CCSER1: variants seen among roughly 807,000 people sequenced by gnomAD.
CCSER1 encodes serine-rich coiled-coil domain-containing protein 1.
Under a neutral mutation model 82.0 loss-of-function variants are expected in CCSER1, and 41 were observed. The ratio of observed to expected loss-of-function variants is 0.50; its 90% CI spans 0.39 to 0.65. The LOEUF is 0.65. Ranked by LOEUF, CCSER1 falls within the 30% of genes least tolerant of loss-of-function variation. The pLI is 0.00. For missense variants in CCSER1, 1,119 were observed against 1,064.2 expected (o/e 1.05, Z -0.72); for synonymous variants, 414 against 383.9 (o/e 1.08, Z -0.92).
chr4:90,493,744 C>CT (rs1453558010), intron 5 of CCSER1, among the ~76,000 whole-genome samples: 2 of 152,088 alleles, frequency 1.3e-5, no homozygotes, highest in Non-Finnish European at 2.9e-5. Flanking sequence ...CGCTCCTGCC[C>CT]TAAAAGAGCT....
intron 5 of CCSER1, among the ~76,000 whole-genome samples, chr4:90,540,412 T>C (rs1337763365): frequency 1.3e-5 from 2 of 152,074 alleles, no homozygotes; most frequent in Non-Finnish European, 2.9e-5. Flanking sequence ...AAGATCTGCA[T>C]TTTTACTTAT....
At chr4:90,390,535 C>T (rs570936934) in intron 3 of CCSER1, among the ~76,000 whole-genome samples, 173 of 152,242 alleles carry the variant, frequency 1.1e-3, no homozygotes, top group Non-Finnish European at 2.0e-3. Flanking sequence ...TTAGGATATG[C>T]TATATTTGGT....
At chr4:90,519,841 T>C (rs1772851115) in intron 5 of CCSER1, among the ~76,000 whole-genome samples, 1 of 152,070 alleles carries the variant, frequency 6.6e-6, no homozygotes, top group Non-Finnish European at 1.5e-5. Context: ...ATCTCTGTTC[T>C]ACCAATGACT....
intron 8 of CCSER1, among the ~76,000 whole-genome samples, chr4:90,885,248 C>T (rs1035313780): frequency 1.3e-5 from 2 of 151,906 alleles, no homozygotes; most frequent in African/African-American, 4.8e-5. Context: ...TAATACATTA[C>T]CAACACCAAA....
At chr4:90,510,574 GA>G (rs1771353770) in intron 5 of CCSER1, among the ~76,000 whole-genome samples, 1 of 152,192 alleles carries the variant, frequency 6.6e-6, no homozygotes, top group South Asian at 2.1e-4. Flanking sequence ...GCTTTTCCAT[GA>G]CACTATTGCA....
chr4:90,876,949 CATCTT>C (rs879336440), intron 8 of CCSER1, among the ~76,000 whole-genome samples: 2 of 151,996 alleles, frequency 1.3e-5, no homozygotes, highest in East Asian at 1.9e-4. Flanking sequence ...ATGTATGACT[CATCTT>C]TTCTTTAGCT....
Position 90,916,911 on chromosome 4 carries a change from A to G in CCSER1, c.2095-6459A>G, listed in dbSNP as rs550493948. 4.7e-3 allele frequency among the ~76,000 whole-genome samples: 723 copies of G among 152,346 alleles called. 6 individuals are homozygous for G. The highest frequency in any genetic ancestry group is 0.015 in the African/African-American group (629 of 41,582). On this transcript the variant is annotated intron_variant, in intron 8 of 10. Coordinates refer to ENST00000509176, the MANE Select transcript of CCSER1 (RefSeq NM_001145065.2). ...CTATACAGTTAAGAGACACATGAAA[A>G]AAATGCTCATCATCACTGGCCATCA...
At chr4:90,917,209 T>TGCACAGATATGTTTATTGCG (rs1315574230) in intron 8 of CCSER1, among the ~76,000 whole-genome samples, 8 of 152,146 alleles carry the variant, frequency 5.3e-5, no homozygotes, top group Non-Finnish European at 1.2e-4. Flanking sequence ...TAAAGACACA[T>TGCACAGATATGTTTATTGCG]GCACAGATAT....
intron 10 of CCSER1, among the ~76,000 whole-genome samples, chr4:91,200,187 T>G (rs556035996): frequency 6.6e-6 from 1 of 152,052 alleles, no homozygotes; most frequent in Non-Finnish European, 1.5e-5. Context: ...TTAGTTGATT[T>G]TTTTTGTCAA....
Position 91,393,805 on chromosome 4 carries a change from C to T in CCSER1, c.2218-204767C>T, listed in dbSNP as rs1014096176. On this transcript the variant is annotated intron_variant, in intron 10 of 10. Coordinates refer to ENST00000509176, the MANE Select transcript of CCSER1 (RefSeq NM_001145065.2). The stretch of plus-strand genomic sequence containing the variant: ...AGAGCCCTAAAGGGAAGTATGCTTT[C>T]GTGTTAGTCATTCCTGTGAACACCT... Among the ~76,000 whole-genome samples, 8 of 152,006 alleles carry T rather than the reference C, an allele frequency of 5.3e-5. No individual in the cohort carries two copies. The South Asian group carries it at 1.2e-3, about 24-fold the overall frequency.
At chr4:91,441,106 C>A (rs1186964035) in intron 10 of CCSER1, among the ~76,000 whole-genome samples, 2 of 152,112 alleles carry the variant, frequency 1.3e-5, no homozygotes, top group South Asian at 2.1e-4. Flanking sequence ...GGGAATCCTC[C>A]CTAACTCATT....
chr4:91,351,065 A>C (rs1266208632), intron 10 of CCSER1, among the ~76,000 whole-genome samples: 2 of 152,074 alleles, frequency 1.3e-5, no homozygotes, highest in South Asian at 2.1e-4. Context: ...GCAGCTTACT[A>C]TGGTACTGAC....
At chr4:91,103,133 G>T (rs1265730188) in intron 10 of CCSER1, among the ~76,000 whole-genome samples, 1 of 152,112 alleles carries the variant, frequency 6.6e-6, no homozygotes, top group Admixed American at 6.6e-5. Flanking sequence ...CCTTCTCTCA[G>T]CTTGGAAATA....
intron 6 of CCSER1, among the ~76,000 whole-genome samples, chr4:90,694,563 A>G (rs1232719438): frequency 6.6e-6 from 1 of 152,024 alleles, no homozygotes; most frequent in Non-Finnish European, 1.5e-5. Context: ...GTGCTAGTGA[A>G]TGTTTTGTGC....
At chr4:90,704,498 T>A (rs904045861) in intron 6 of CCSER1, among the ~76,000 whole-genome samples, 1 of 152,212 alleles carries the variant, frequency 6.6e-6, no homozygotes, top group Admixed American at 6.5e-5. Context: ...TTCTCTGCAT[T>A]TCCTGAATTT....
intron 10 of CCSER1, among the ~76,000 whole-genome samples, chr4:91,417,828 G>A (rs751154566): frequency 9.9e-5 from 15 of 151,402 alleles, no homozygotes; most frequent in East Asian, 1.9e-4. Flanking sequence ...CATTGTGCAC[G>A]TGTACCCTGG....
intron 10 of CCSER1, among the ~76,000 whole-genome samples, chr4:91,328,303 C>T (rs374706455): frequency 1.3e-5 from 2 of 152,124 alleles, no homozygotes; most frequent in Middle Eastern, 3.2e-3. Context: ...GTCTGAGAGG[C>T]CTCAGGAAAC....
At chr4:91,160,415 A>G (rs1731268242) in intron 10 of CCSER1, among the ~76,000 whole-genome samples, 1 of 152,208 alleles carries the variant, frequency 6.6e-6, no homozygotes, top group Admixed American at 6.5e-5. Context: ...ATACCAGGCA[A>G]TGACATGGCT....
intron 10 of CCSER1, among the ~76,000 whole-genome samples, chr4:91,429,236 G>C (rs943658782): frequency 6.6e-6 from 1 of 151,770 alleles, no homozygotes; most frequent in Non-Finnish European, 1.5e-5. Flanking sequence ...TGGTCTTTCA[G>C]AGACATAATT....
Sources: allele counts gnomAD v4.1 joint callset (sites outside exome capture counted in the v4.1 genomes callset), GRCh38; gene constraint gnomAD v4.1.1; transcripts MANE v1.5; gene names NCBI Gene and HGNC (gene_info 2026-07-23, HGNC 2026-07-21).